CLSTN1: variants seen among roughly 807,000 people sequenced by gnomAD.
CLSTN1 encodes calsyntenin 1.
Under a neutral mutation model 108.3 loss-of-function variants are expected in CLSTN1, and 28 were observed. That is an observed-to-expected ratio of 0.26 (90% CI 0.19 to 0.35). CLSTN1 has a LOEUF of 0.35. Among genes scored for constraint, CLSTN1 ranks in the 10% least tolerant of loss-of-function variants. The probability of loss-of-function intolerance (pLI) is 1.00; values close to 1 mark genes in which losing one functional copy is unlikely to be tolerated. For synonymous variants in CLSTN1, 524 were observed against 534.9 expected, an observed-to-expected ratio of 0.98 and a Z score of 0.28; for missense variants, 1,157 against 1,302.6, an observed-to-expected ratio of 0.89 and a Z score of 1.72.
chr1:9,755,394 A>G, intron 3 of CLSTN1, 85 bp from the exon 4 acceptor site: 1 of 1,128,470 alleles, frequency 8.9e-7, no homozygotes, highest in Non-Finnish European at 1.3e-6. Flanking sequence ...TCCACCCCCA[A>G]AGAAAATAAA....
intron 7 of CLSTN1, 111 bp from the exon 8 acceptor site, chr1:9,744,754 T>C (rs1651170937): frequency 7.6e-7 from 1 of 1,308,778 alleles, no homozygotes; most frequent in Non-Finnish European, 1.0e-6. Context: ...GGCTCCAGTT[T>C]ACTTTTTTTT....
In CLSTN1 at chr1:9,756,516, G is replaced by A; in HGVS notation, c.215-6C>T. ...GACTGTCACCTCAAAACTCTCTAAA[G>A]GGAGAAAAGATAAGCCCATGTCAGT... On this transcript the variant is annotated splice_polypyrimidine_tract_variant and splice_region_variant and intron_variant, in intron 2 of 18. Transcript: ENST00000377298. 6.2e-7 allele frequency: 1 copy of A among 1,611,864 alleles called. No homozygotes were observed. Among genetic ancestry groups the A allele is most frequent in the Non-Finnish European group, 8.5e-7 (1 of 1,178,318 alleles).
At chr1:9,776,121 C>G (rs1652932150) in intron 1 of CLSTN1, among the ~76,000 whole-genome samples, 1 of 152,080 alleles carries the variant, frequency 6.6e-6, no homozygotes, top group African/African-American at 2.4e-5. Flanking sequence ...TACAGGCGCT[C>G]ACCACCACGC....
At chr1:9,788,663 C>T (rs886696143) in intron 1 of CLSTN1, among the ~76,000 whole-genome samples, 11 of 151,010 alleles carry the variant, frequency 7.3e-5, no homozygotes, top group East Asian at 2.0e-4. Context: ...GTCAGGAGAT[C>T]GAGACCATCC....
chr1:9,788,155 G>A (rs992804506), intron 1 of CLSTN1, among the ~76,000 whole-genome samples: 5 of 151,512 alleles, frequency 3.3e-5, no homozygotes, highest in Non-Finnish European at 5.9e-5. Flanking sequence ...ACTTGGGAGG[G>A]TGAGGTGGGA....
chr1:9,813,658 T>C (rs531669055), intron 1 of CLSTN1, among the ~76,000 whole-genome samples: 2 of 152,348 alleles, frequency 1.3e-5, no homozygotes, highest in Admixed American at 1.3e-4. Flanking sequence ...TCAGTGAGAC[T>C]AGAGTCTGCA....
chr1:9,814,878 C>A (rs1654909512), intron 1 of CLSTN1, among the ~76,000 whole-genome samples: 1 of 148,576 alleles, frequency 6.7e-6, no homozygotes, highest in South Asian at 2.1e-4. Flanking sequence ...CCAGCCTGGG[C>A]AACAGAGCAA....
intron 7 of CLSTN1, among the ~76,000 whole-genome samples, chr1:9,749,249 C>T (rs1419560760): frequency 1.3e-5 from 2 of 152,086 alleles, no homozygotes; most frequent in Admixed American, 6.6e-5. Context: ...GTTGAATAGA[C>T]GTTTAGGAGT....
chr1:9,796,510 C>T (rs1570504730), intron 1 of CLSTN1, among the ~76,000 whole-genome samples: 1 of 147,012 alleles, frequency 6.8e-6, no homozygotes, highest in Non-Finnish European at 1.5e-5. Flanking sequence ...CCCGTCTCTA[C>T]TAAACATACA....
rs554939846 is a variant in CLSTN1, at chr1:9,802,096, G to C, written c.91+21547C>G. ...AGATGAAGAAACTGAGGCATGTAGA[G>C]ATTAAGTAAGATGTCCAAGATTACA... On this transcript the variant is annotated intron_variant, in intron 1 of 18. Transcript: ENST00000377298. Among the ~76,000 whole-genome samples the C allele has an allele frequency of 5.3e-5, 8 of 152,272 alleles. No homozygotes were observed. The East Asian group carries it at 1.2e-3, about 22-fold the overall frequency.
chr1:9,743,615 G>A (rs1415431679), intron 9 of CLSTN1, among the ~76,000 whole-genome samples: 2 of 152,076 alleles, frequency 1.3e-5, no homozygotes, highest in East Asian at 3.9e-4. Context: ...TGGCACAATC[G>A]CAGCTCATTA....
intron 1 of CLSTN1, chr1:9,780,684 T>C (rs1284814148): frequency 6.6e-6 from 1 of 152,576 alleles, no homozygotes; most frequent in Non-Finnish European, 1.5e-5. Context: ...GTGACCGATG[T>C]TTCTGTCATC....
At chr1:9,749,376 C>T in intron 7 of CLSTN1, 85 bp downstream of exon 7, 3 of 1,235,194 alleles carry the variant, frequency 2.4e-6, no homozygotes, top group Non-Finnish European at 1.1e-6. Context: ...ATTATGAACA[C>T]AACACACACA....
rs79958981 is a variant in CLSTN1 at position 9,752,972 on chromosome 1, A to G, written c.441-1291T>C. ...TAGCAAGTGGTGGAGAAAAGACTAG[A>G]GCTCTAGAAAAGACTAGAGCTTACA... On this transcript the variant is annotated intron_variant, in intron 4 of 18. Transcript: ENST00000377298. Among the ~76,000 whole-genome samples, 456 of 152,344 alleles carry G rather than the reference A, an allele frequency of 3.0e-3. 2 individuals are homozygous for G. Among genetic ancestry groups the G allele is most frequent in the Non-Finnish European group, 4.6e-3 (315 of 68,046 alleles).
chr1:9,789,485 C>G (rs1441658302), intron 1 of CLSTN1, among the ~76,000 whole-genome samples: 2 of 151,394 alleles, frequency 1.3e-5, no homozygotes, highest in Non-Finnish European at 2.9e-5. Context: ...GCCCCATGTG[C>G]TCCTCACTAA....
intron 2 of CLSTN1, among the ~76,000 whole-genome samples, chr1:9,762,039 T>C (rs1461837346): frequency 1.3e-5 from 2 of 152,140 alleles, no homozygotes; most frequent in Non-Finnish European, 2.9e-5. Flanking sequence ...ATTCTTAGCA[T>C]CGCTGTCGCT....
At chr1:9,746,301 T>A (rs560342280) in intron 7 of CLSTN1, among the ~76,000 whole-genome samples, 100 of 152,118 alleles carry the variant, frequency 6.6e-4, no homozygotes, top group Admixed American at 1.0e-3. Flanking sequence ...ATTAAAAAAA[T>A]TTTTTTTTGT....
At chr1:9,786,375 C>A (rs1570491255) in intron 1 of CLSTN1, among the ~76,000 whole-genome samples, 1 of 151,454 alleles carries the variant, frequency 6.6e-6, no homozygotes, top group East Asian at 2.0e-4. Flanking sequence ...GGCGCGGTGG[C>A]TCATGCCTGT....
intron 2 of CLSTN1, 148 bp downstream of exon 2, chr1:9,773,124 A>G: frequency 5.7e-6 from 6 of 1,058,586 alleles, no homozygotes; most frequent in African/African-American, 1.6e-5. Context: ...TATTAAAAGG[A>G]AAAAAAAACA....
Sources: allele counts gnomAD v4.1 joint callset (sites outside exome capture counted in the v4.1 genomes callset), GRCh38; gene constraint gnomAD v4.1.1; transcripts MANE v1.5; gene names NCBI Gene and HGNC (gene_info 2026-07-23, HGNC 2026-07-21).